Variants in FBN2 observed in about 807,000 individuals in gnomAD.
The protein encoded by FBN2 is fibrillin 2.
FBN2 carries 105 observed loss-of-function variants against 355.6 expected under a neutral mutation model. The observed-to-expected ratio is 0.30, with a 90% CI of 0.25 to 0.35. The LOEUF (loss-of-function observed/expected upper bound fraction) is 0.35. Among genes scored for constraint, FBN2 ranks in the 10% least tolerant of loss-of-function variants. FBN2 has a pLI of 1.00. For synonymous variants in FBN2, 1,350 were observed against 1,301.2 expected, an observed-to-expected ratio of 1.04 and a Z score of -0.81; for missense variants, 3,280 against 3,758.7, an observed-to-expected ratio of 0.87 and a Z score of 3.33.
At chr5:128,321,078 G>A (rs1294802988) in intron 34 of FBN2, among the ~76,000 whole-genome samples, 1 of 152,092 alleles carries the variant, frequency 6.6e-6, no homozygotes, top group African/African-American at 2.4e-5. Context: ...TTTGTTTCTT[G>A]ATTGGCTGTG....
At position 128,335,044 on chromosome 5, in the gene FBN2, C is replaced by G. The variant is rs1327335175; in HGVS notation, c.3973+126G>C. ...TAATTCTTCCTGAGATTTTACAGTTCTAGTAAAATGATTTGAATTTTTAAA... is the reference window on the plus strand; with the variant it reads ...TAATTCTTCCTGAGATTTTACAGTTGTAGTAAAATGATTTGAATTTTTAAA... On this transcript the variant is annotated intron_variant, in intron 30 of 64. Transcript: ENST00000262464. The G allele has an allele frequency of 2.9e-6, 4 of 1,391,492 alleles. No individual in the cohort carries two copies. The African/African-American group carries it at 5.7e-5, about 20-fold the overall frequency. 86.2% of individuals were successfully genotyped at this position (1,391,492 alleles called of 1,614,324 possible). A position where few individuals can be genotyped will look rare whatever the true frequency, so the allele number is the denominator to read the frequency against.
chr5:128,453,170 T>C, intron 6 of FBN2, among the ~76,000 whole-genome samples: 1 of 152,162 alleles, frequency 6.6e-6, no homozygotes, highest in East Asian at 1.9e-4. Flanking sequence ...CAAGTATATA[T>C]TGGTAACTTG....
At chr5:128,449,980 A>T (rs1003687140) in intron 6 of FBN2, among the ~76,000 whole-genome samples, 1 of 152,160 alleles carries the variant, frequency 6.6e-6, no homozygotes, top group Non-Finnish European at 1.5e-5. Flanking sequence ...CATCAAGAAG[A>T]CATGATAATG....
intron 34 of FBN2, chr5:128,327,991 T>G (rs1231220306): frequency 6.5e-6 from 1 of 153,158 alleles, no homozygotes; most frequent in East Asian, 1.9e-4. Flanking sequence ...ACTGAAGCCC[T>G]ATGGTGTATA....
intron 5 of FBN2, among the ~76,000 whole-genome samples, chr5:128,479,080 C>T (rs562952034): frequency 1.3e-5 from 2 of 152,328 alleles, no homozygotes; most frequent in African/African-American, 4.8e-5. Flanking sequence ...CTCCAGATGA[C>T]ATCACTACTA....
chr5:128,374,624 T>G lies in FBN2; in HGVS notation c.2095+4A>C. On this transcript the variant is annotated splice_donor_region_variant and intron_variant, in intron 15 of 64. Transcript: ENST00000262464. ...GTGGGGCCATTATAAAATGTTTCACTTACCAACACACACACGTCCATCCAT... is the reference window on the plus strand; with the variant it reads ...GTGGGGCCATTATAAAATGTTTCACGTACCAACACACACACGTCCATCCAT... The G allele has an allele frequency of 6.2e-7, 1 of 1,613,926 alleles. No homozygotes were observed. Among genetic ancestry groups the G allele is most frequent in the Non-Finnish European group, 8.5e-7 (1 of 1,179,868 alleles).
At chr5:128,490,621 AT>A (rs2127125131) in intron 5 of FBN2, among the ~76,000 whole-genome samples, 1 of 152,330 alleles carries the variant, frequency 6.6e-6, no homozygotes, top group East Asian at 1.9e-4. Flanking sequence ...AGGGACACAT[AT>A]TTTATTTCGA....
At chr5:128,444,949 G>C (rs1228047527) in intron 7 of FBN2, among the ~76,000 whole-genome samples, 1 of 151,930 alleles carries the variant, frequency 6.6e-6, no homozygotes, top group East Asian at 1.9e-4. Flanking sequence ...AGTGAGAAAA[G>C]TTTGAGCAAC....
At chr5:128,443,020 T>G (rs1212442651) in intron 7 of FBN2, among the ~76,000 whole-genome samples, 3 of 152,182 alleles carry the variant, frequency 2.0e-5, no homozygotes, top group Non-Finnish European at 2.9e-5. Context: ...AACTTGATTT[T>G]TTGGCAGAAT....
At chr5:128,393,018 C>T (rs1168011397) in intron 10 of FBN2, 117 bp downstream of exon 10, 1 of 844,292 alleles carries the variant, frequency 1.2e-6, no homozygotes, top group Non-Finnish European at 2.0e-6. Context: ...CACAAACACA[C>T]ACACACATGT....
At chr5:128,320,901 C>T (rs1750351704) in intron 34 of FBN2, among the ~76,000 whole-genome samples, 1 of 152,148 alleles carries the variant, frequency 6.6e-6, no homozygotes, top group Non-Finnish European at 1.5e-5. Flanking sequence ...GAATTCTATA[C>T]AATAAATTAT....
At chr5:128,288,671 T>A in intron 52 of FBN2, 114 bp from the exon 53 acceptor site, 2 of 1,211,520 alleles carry the variant, frequency 1.7e-6, no homozygotes, top group Non-Finnish European at 2.4e-6. Flanking sequence ...AGGGCACATG[T>A]AACCCTGGCA....
Position 128,302,989 on chromosome 5 carries a change from A to G in FBN2, c.5901T>C (p.His1967=). ...AGTACTTACCCAGGCAATCATTATT[A>G]TGAGTGAGTTCAAACCCTGGGTAGC... ...CLCYPGFELT[H]NNDCLDIDEC... is the part of the protein sequence containing the mutation. The change falls in exon 46 of 65, where the codon CAT becomes CAC. Residue 1967 remains histidine, a synonymous_variant. Transcript: ENST00000262464. 6.4e-7 allele frequency: 1 copy of G among 1,573,682 alleles called. No homozygotes were observed. The highest frequency in any genetic ancestry group is 8.7e-7 in the Non-Finnish European group (1 of 1,143,336).
chr5:128,473,717 C>G (rs1436752105), intron 5 of FBN2, among the ~76,000 whole-genome samples: 1 of 152,194 alleles, frequency 6.6e-6, no homozygotes, highest in African/African-American at 2.4e-5. Flanking sequence ...AATTTCCTAA[C>G]TCCCAATTAC....
At chr5:128,510,852 C>T (rs974529900) in intron 5 of FBN2, among the ~76,000 whole-genome samples, 4 of 152,070 alleles carry the variant, frequency 2.6e-5, no homozygotes, top group Admixed American at 6.6e-5. Flanking sequence ...TTTGCAATGT[C>T]GTGTTTCACT....
At chr5:128,284,865 A>C (rs957870733) in intron 55 of FBN2, among the ~76,000 whole-genome samples, 8 of 152,130 alleles carry the variant, frequency 5.3e-5, no homozygotes, top group African/African-American at 1.9e-4. Context: ...GCAGTGTAGA[A>C]ATGGGTCTCT....
At position 128,288,459 on chromosome 5, in the gene FBN2, C is replaced by G; in HGVS notation, c.6736G>C (p.Gly2246Arg). The G allele has an allele frequency of 6.2e-7, 1 of 1,614,108 alleles. No homozygotes were observed. Among genetic ancestry groups the G allele is most frequent in the Non-Finnish European group, 8.5e-7 (1 of 1,179,992 alleles). ...TTGCCTTCACAATTCATCATGGGCC[C>G]TGGCTCAAAGCCTTCATTGCAATTG... ...ECNCNEGFEP[G>R]PMMNCEDINE... Residue 2246 changes from glycine (G) to arginine (R), a missense_variant, in exon 53 of 65, where the codon GGG (glycine) becomes CGG (arginine). Coordinates refer to ENST00000262464, the MANE Select transcript of FBN2 (RefSeq NM_001999.4).
intron 8 of FBN2, among the ~76,000 whole-genome samples, chr5:128,406,578 C>G (rs1752933047): frequency 6.6e-6 from 1 of 152,102 alleles, no homozygotes. Context: ...GTCACTTGCA[C>G]ATAAGCACTG....
chr5:128,281,418 T>C (rs1765541734), intron 55 of FBN2, among the ~76,000 whole-genome samples: 1 of 152,208 alleles, frequency 6.6e-6, no homozygotes, highest in African/African-American at 2.4e-5. Flanking sequence ...TGAATAATTT[T>C]CTATCAATGC....
Sources: allele counts gnomAD v4.1 joint callset (sites outside exome capture counted in the v4.1 genomes callset), GRCh38; gene constraint gnomAD v4.1.1; transcripts MANE v1.5; gene names NCBI Gene and HGNC (gene_info 2026-07-23, HGNC 2026-07-21).